Variants in DIP2B observed in about 807,000 individuals in gnomAD.
DIP2B encodes DIP2 acetate--CoA ligase B (putative), also known as disco-interacting protein 2 homolog B.
A neutral mutation model predicts 198.0 loss-of-function variants in DIP2B; 76 were observed. The observed-to-expected ratio is 0.38, with a 90% CI of 0.32 to 0.46. The LOEUF is 0.46. DIP2B is among the 20% of genes least tolerant of loss of function. The pLI is 0.99. For missense variants in DIP2B, 1,559 were observed against 1,978.4 expected (o/e 0.79, Z 4.02); for synonymous variants, 701 against 739.1 (o/e 0.95, Z 0.84).
rs1592141414 is a variant in DIP2B, at chr12:50,718,628, G to C, written c.2852-81G>C. 3 of 1,235,416 alleles carry C rather than the reference G, an allele frequency of 2.4e-6. No individual in the cohort carries two copies. The East Asian group carries it at 7.4e-5, about 30-fold the overall frequency. The allele number at this position is 1,235,416 out of a possible 1,614,324, so 76.5% of individuals were successfully genotyped here. ...TATTGTTGGATGAATATTTGAACCAGTTTTGGTCAGTCTGGAAATGCTCTG... is the reference window on the plus strand; with the variant it reads ...TATTGTTGGATGAATATTTGAACCACTTTTGGTCAGTCTGGAAATGCTCTG... On this transcript the variant is annotated intron_variant, in intron 23 of 37. Coordinates refer to ENST00000301180, the MANE Select transcript of DIP2B (RefSeq NM_173602.3).
At chr12:50,533,398 C>A (rs1327560206) in intron 1 of DIP2B, among the ~76,000 whole-genome samples, 1 of 152,134 alleles carries the variant, frequency 6.6e-6, no homozygotes, top group Non-Finnish European at 1.5e-5. Flanking sequence ...GCAGGTCAAC[C>A]CCTGACAAGT....
At chr12:50,728,943 G>A (rs1939987190) in intron 30 of DIP2B, among the ~76,000 whole-genome samples, 1 of 152,064 alleles carries the variant, frequency 6.6e-6, no homozygotes, top group Non-Finnish European at 1.5e-5. Context: ...TGTAATCCTT[G>A]CTTTAGAAGC....
intron 1 of DIP2B, among the ~76,000 whole-genome samples, chr12:50,562,669 C>T (rs961845068): frequency 9.3e-5 from 14 of 150,952 alleles, no homozygotes; most frequent in Non-Finnish European, 1.3e-4. Flanking sequence ...GGGAAGTTGT[C>T]GAGGCTGCAG....
Position 50,695,902 on chromosome 12 carries a change from G to A in DIP2B, c.1868G>A (p.Arg623Gln), listed in dbSNP as rs1939302871. 1.2e-6 allele frequency: 2 copies of A among 1,613,934 alleles called. No individual in the cohort carries two copies. The highest frequency in any genetic ancestry group is 1.7e-6 in the Non-Finnish European group (2 of 1,179,970). The part of the protein sequence containing the change: ...RDLHWAMMAH[R>Q]DQRDVSLSSL... ...TTGCACTGGGCTATGATGGCACATC[G>A]GGACCAAAGAGACGTGAGCTTGAGT... Residue 623 changes from arginine (R) to glutamine (Q), a missense_variant, in exon 16 of 38, where the codon CGG becomes CAG. By Grantham distance (43) the Arg-to-Gln change is conservative (BLOSUM62 1). Transcript: ENST00000301180.
At chr12:50,638,226 T>A (rs1938193035) in intron 2 of DIP2B, among the ~76,000 whole-genome samples, 1 of 152,246 alleles carries the variant, frequency 6.6e-6, no homozygotes, top group Non-Finnish European at 1.5e-5. Flanking sequence ...ACTTAATTTG[T>A]GAGTCTGGCA....
chr12:50,518,474 A>G (rs1004020408), intron 1 of DIP2B, among the ~76,000 whole-genome samples: 7 of 152,068 alleles, frequency 4.6e-5, no homozygotes, highest in Non-Finnish European at 8.8e-5. Flanking sequence ...CTCCCAAAGT[A>G]CTGGGATTAC....
chr12:50,576,950 G>A (rs1467561862), intron 1 of DIP2B, among the ~76,000 whole-genome samples: 4 of 151,414 alleles, frequency 2.6e-5, no homozygotes, highest in African/African-American at 9.7e-5. Flanking sequence ...TGTAACATCC[G>A]CCTCCTAGGT....
At chr12:50,529,511 T>A (rs1399603623) in intron 1 of DIP2B, among the ~76,000 whole-genome samples, 1 of 152,152 alleles carries the variant, frequency 6.6e-6, no homozygotes, top group Non-Finnish European at 1.5e-5. Flanking sequence ...TTTGAGGAAC[T>A]GTGATGATTT....
At chr12:50,569,611 G>A (rs1050041736) in intron 1 of DIP2B, among the ~76,000 whole-genome samples, 1 of 152,206 alleles carries the variant, frequency 6.6e-6, no homozygotes, top group African/African-American at 2.4e-5. Flanking sequence ...GGTGCAGTTA[G>A]AGATGGTTTA....
chr12:50,550,597 C>T (rs4768888), intron 1 of DIP2B, among the ~76,000 whole-genome samples: 41,478 of 151,898 alleles, frequency 0.27, 5,992 homozygotes, highest in East Asian at 0.39. Flanking sequence ...CAGAAGGAAA[C>T]GAATAGGCCT....
At position 50,719,017 on chromosome 12, in the gene DIP2B, C is replaced by G; in HGVS notation, c.3024C>G (p.Phe1008Leu). Residue 1008 changes from phenylalanine (F) to leucine (L), a missense_variant, in exon 25 of 38, where the codon TTC (phenylalanine) becomes TTG (leucine). Coordinates refer to ENST00000301180, the MANE Select transcript of DIP2B (RefSeq NM_173602.3). Reference sequence around the variant, plus strand: ...AGGCGACTCCTGACCATGTACTCTTCATGCTGTTAAATGCCAAGGTATTAA... The same window carrying G: ...AGGCGACTCCTGACCATGTACTCTTGATGCTGTTAAATGCCAAGGTATTAA... ...RAQATPDHVLFMLLNAKGTTV... is the reference protein window; with the variant it reads ...RAQATPDHVLLMLLNAKGTTV... 1 of 1,614,186 alleles carries G rather than the reference C, an allele frequency of 6.2e-7. No homozygotes were observed. The highest frequency in any genetic ancestry group is 8.5e-7 in the Non-Finnish European group (1 of 1,180,014).
intron 4 of DIP2B, among the ~76,000 whole-genome samples, chr12:50,667,969 C>G (rs1024483369): frequency 3.9e-5 from 6 of 152,312 alleles, no homozygotes; most frequent in African/African-American, 1.4e-4. Flanking sequence ...TTACAAGGCC[C>G]TTGGTGGCCC....
At chr12:50,680,849 A>G (rs1324023931) in intron 9 of DIP2B, 86 bp downstream of exon 9, 1 of 1,246,872 alleles carries the variant, frequency 8.0e-7, no homozygotes, top group Non-Finnish European at 1.1e-6. Flanking sequence ...GTTTTCATAT[A>G]CAACAGGAAA....
chr12:50,699,672 G>A (rs1360131892), intron 19 of DIP2B, among the ~76,000 whole-genome samples: 1 of 151,944 alleles, frequency 6.6e-6, no homozygotes, highest in Non-Finnish European at 1.5e-5. Flanking sequence ...ATGTAGCAAG[G>A]CAATGTAGCA....
chr12:50,609,198 T>G (rs1565843591), intron 1 of DIP2B, among the ~76,000 whole-genome samples: 1 of 152,190 alleles, frequency 6.6e-6, no homozygotes, highest in South Asian at 2.1e-4. Flanking sequence ...GGGATTTGTA[T>G]CTTCTACATA....
intron 2 of DIP2B, among the ~76,000 whole-genome samples, chr12:50,639,629 G>C (rs1938219800): frequency 2.0e-5 from 3 of 150,790 alleles, no homozygotes; most frequent in Admixed American, 6.6e-5. Flanking sequence ...TTTATAGGCT[G>C]ATTCTCAGCT....
chr12:50,688,183 G>A (rs558459938), intron 12 of DIP2B, among the ~76,000 whole-genome samples: 223 of 152,040 alleles, frequency 1.5e-3, no homozygotes, highest in Non-Finnish European at 2.7e-3. Flanking sequence ...CTGCACTAGA[G>A]AGGCTGGATG....
chr12:50,584,185 C>T (rs1259049619), intron 1 of DIP2B, among the ~76,000 whole-genome samples: 1 of 152,220 alleles, frequency 6.6e-6, no homozygotes, highest in Non-Finnish European at 1.5e-5. Context: ...AAGGCTCATC[C>T]TCTAACTTCC....
At position 50,577,528 on chromosome 12, in the gene DIP2B, C is replaced by T. The variant is rs777838673; in HGVS notation, c.101-48448C>T. Among the ~76,000 whole-genome samples, 10 of 149,388 alleles carry T rather than the reference C, an allele frequency of 6.7e-5. 1 individual carries two copies. Among genetic ancestry groups the T allele is most frequent in the African/African-American group, 2.5e-4 (10 of 40,392 alleles). ...CAACCTGGGCAACAGAGCGAGACTC[C>T]GTCTAAAAAATAAAAAAAATAAAAA... On this transcript the variant is annotated intron_variant, in intron 1 of 37. Coordinates refer to ENST00000301180, the MANE Select transcript of DIP2B (RefSeq NM_173602.3).
Sources: gnomAD v4.1 joint callset for allele counts (sites outside exome capture counted in the v4.1 genomes callset) on GRCh38, gnomAD v4.1.1 for gene constraint, MANE v1.5 for transcripts, NCBI Gene and HGNC (gene_info 2026-07-23, HGNC 2026-07-21) for gene names.